SORCS2: variants seen among roughly 807,000 people sequenced by gnomAD.
The protein encoded by SORCS2 is VPS10 domain-containing receptor SorCS2.
SORCS2 carries 100 observed loss-of-function variants against 141.6 expected under a neutral mutation model. That is an observed-to-expected ratio of 0.71 (90% CI 0.60 to 0.83). The LOEUF (loss-of-function observed/expected upper bound fraction) is 0.83, where lower values mean the gene tolerates loss of function less well. Ranked by LOEUF, SORCS2 falls within the 40% of genes least tolerant of loss-of-function variation. The pLI, the probability that SORCS2 is intolerant of heterozygous loss-of-function variation, is 0.00. For missense variants in SORCS2, 1,646 were observed against 1,560.2 expected (o/e 1.05, Z -0.93); for synonymous variants, 789 against 676.9 (o/e 1.17, Z -2.57).
rs199708011 is a variant in SORCS2, at chr4:7,723,607, A to ATGAGTGAGTGAG, written c.2425-78_2425-67dup. 4.3e-6 allele frequency: 6 copies of ATGAGTGAGTGAG among 1,402,908 alleles called. No individual in the cohort carries two copies. The African/African-American group carries it at 8.5e-5, about 20-fold the overall frequency. 86.9% of individuals were successfully genotyped at this position (1,402,908 alleles called of 1,614,324 possible). ...AGGAAGGGAGGGCGGCAATGAATGA[A>ATGAGTGAGTGAG]TGAGTGAGTGAGTGAGTGAGTGAAT... is the stretch of plus-strand genomic sequence containing the variant. On this transcript the variant is annotated intron_variant, in intron 18 of 26. Coordinates refer to ENST00000507866, the MANE Select transcript of SORCS2 (RefSeq NM_020777.3).
chr4:7,532,193 T>A (rs1442812184), intron 3 of SORCS2, among the ~76,000 whole-genome samples: 1 of 152,178 alleles, frequency 6.6e-6, no homozygotes, highest in Non-Finnish European at 1.5e-5. Context: ...AACGTGTGTT[T>A]GTGTCCTGGC....
At chr4:7,320,235 C>A (rs1416195419) in intron 1 of SORCS2, among the ~76,000 whole-genome samples, 1 of 152,118 alleles carries the variant, frequency 6.6e-6, no homozygotes, top group Non-Finnish European at 1.5e-5. Flanking sequence ...AACTGATAAT[C>A]AAAAAAATCA....
At chr4:7,358,187 A>T (rs897436706) in intron 1 of SORCS2, among the ~76,000 whole-genome samples, 2 of 152,192 alleles carry the variant, frequency 1.3e-5, no homozygotes, top group African/African-American at 4.8e-5. Context: ...GTACATGCCC[A>T]TAGTGTGGGT....
intron 3 of SORCS2, among the ~76,000 whole-genome samples, chr4:7,567,710 T>C (rs924985818): frequency 2.6e-5 from 4 of 152,208 alleles, no homozygotes; most frequent in Non-Finnish European, 5.9e-5. Flanking sequence ...GGGCAGCCCA[T>C]GTTTAAGGAG....
intron 3 of SORCS2, among the ~76,000 whole-genome samples, chr4:7,574,593 G>C (rs942436316): frequency 4.6e-5 from 7 of 151,930 alleles, no homozygotes; most frequent in African/African-American, 1.7e-4. Flanking sequence ...GGGAGGGAGA[G>C]AGGCAGGGAG....
At chr4:7,224,181 C>T (rs941452812) in intron 1 of SORCS2, among the ~76,000 whole-genome samples, 7 of 152,140 alleles carry the variant, frequency 4.6e-5, no homozygotes, top group African/African-American at 1.7e-4. Flanking sequence ...TGGCTCTGCC[C>T]AGGTGGCTTG....
At chr4:7,332,017 G>C (rs1424484423) in intron 1 of SORCS2, among the ~76,000 whole-genome samples, 1 of 152,240 alleles carries the variant, frequency 6.6e-6, no homozygotes, top group Non-Finnish European at 1.5e-5. Flanking sequence ...CTGGGGGTGA[G>C]ATTAGGGGTA....
At chr4:7,404,313 C>A (rs1168361949) in intron 2 of SORCS2, among the ~76,000 whole-genome samples, 1 of 152,026 alleles carries the variant, frequency 6.6e-6, no homozygotes, top group Non-Finnish European at 1.5e-5. Context: ...CATATGAGTG[C>A]AGGTGTCTTT....
In SORCS2 at chr4:7,593,695, C is replaced by T. The variant is rs113590075; in HGVS notation, c.649-44633C>T. Among the ~76,000 whole-genome samples, 548 of 152,268 alleles carry T rather than the reference C, an allele frequency of 3.6e-3. 6 individuals carry two copies. The highest frequency in any genetic ancestry group is 0.012 in the African/African-American group (515 of 41,536). ...CGGCCCCAGGCGGGTAATGGGAAGCCGGAGCAGATGTTGGCAGTTACAGGC... is the reference window on the plus strand; with the variant it reads ...CGGCCCCAGGCGGGTAATGGGAAGCTGGAGCAGATGTTGGCAGTTACAGGC... On this transcript the variant is annotated intron_variant, in intron 3 of 26. Coordinates refer to ENST00000507866, the MANE Select transcript of SORCS2 (RefSeq NM_020777.3).
intron 2 of SORCS2, among the ~76,000 whole-genome samples, chr4:7,408,299 C>T (rs1011035465): frequency 6.6e-5 from 10 of 152,004 alleles, no homozygotes; most frequent in African/African-American, 2.4e-4. Context: ...TGGTGAATTC[C>T]CTCAGCTTTT....
intron 3 of SORCS2, among the ~76,000 whole-genome samples, chr4:7,560,775 C>A (rs910332357): frequency 2.0e-5 from 3 of 152,232 alleles, no homozygotes; most frequent in Non-Finnish European, 4.4e-5. Flanking sequence ...TTCCATTCTT[C>A]TTTGGATATT....
intron 1 of SORCS2, among the ~76,000 whole-genome samples, chr4:7,208,905 C>G (rs1382053473): frequency 6.6e-6 from 1 of 152,218 alleles, no homozygotes; most frequent in Admixed American, 6.5e-5. Flanking sequence ...CTCACCTAGC[C>G]CTGCTGGGGG....
intron 3 of SORCS2, among the ~76,000 whole-genome samples, chr4:7,599,160 G>T (rs1423449313): frequency 8.4e-6 from 1 of 118,596 alleles, no homozygotes; most frequent in African/African-American, 3.2e-5. Flanking sequence ...CCTGCAAGAC[G>T]GCGGCCCCAG....
chr4:7,332,683 C>A (rs563130286), intron 1 of SORCS2, among the ~76,000 whole-genome samples: 1 of 152,324 alleles, frequency 6.6e-6, no homozygotes, highest in East Asian at 1.9e-4. Context: ...GGAAGTCACA[C>A]CCTGTGCAGG....
chr4:7,641,396 AACTC>A (rs1266811578), intron 4 of SORCS2, among the ~76,000 whole-genome samples: 5 of 152,144 alleles, frequency 3.3e-5, no homozygotes, highest in African/African-American at 1.2e-4. Context: ...ATCTCATGAG[AACTC>A]ACTCATTATC....
intron 3 of SORCS2, among the ~76,000 whole-genome samples, chr4:7,602,563 C>T (rs571350790): frequency 4.2e-4 from 63 of 151,302 alleles, no homozygotes; most frequent in African/African-American, 1.3e-3. Flanking sequence ...GGGATGGCGG[C>T]GGCCGGGAAG....
At chr4:7,196,406 G>A (rs999212440) in intron 1 of SORCS2, among the ~76,000 whole-genome samples, 11 of 152,070 alleles carry the variant, frequency 7.2e-5, no homozygotes, top group African/African-American at 2.2e-4. Flanking sequence ...GCTGTGCCCC[G>A]TCCTGTTCTT....
intron 2 of SORCS2, among the ~76,000 whole-genome samples, chr4:7,400,803 AT>A (rs1724531521): frequency 9.3e-6 from 1 of 107,754 alleles, no homozygotes; most frequent in Non-Finnish European, 1.9e-5. Flanking sequence ...GAATGGATTG[AT>A]AGATGGATAG....
At chr4:7,421,000 C>T (rs550817825) in intron 2 of SORCS2, among the ~76,000 whole-genome samples, 1 of 152,358 alleles carries the variant, frequency 6.6e-6, no homozygotes, top group South Asian at 2.1e-4. Flanking sequence ...TGTTTGCCAT[C>T]ACTGGTGTTT....
Sources: allele counts gnomAD v4.1 joint callset (sites outside exome capture counted in the v4.1 genomes callset), GRCh38; gene constraint gnomAD v4.1.1; transcripts MANE v1.5; gene names NCBI Gene and HGNC (gene_info 2026-07-23, HGNC 2026-07-21).